MKS1: variants seen among roughly 807,000 people sequenced by gnomAD.
The protein encoded by MKS1 is tectonic-like complex member MKS1.
In MKS1, 70 loss-of-function variants were observed where a neutral mutation model predicts 83.7. That is an observed-to-expected ratio of 0.84 (90% CI 0.69 to 1.02). The LOEUF is 1.02. Ranked by LOEUF, MKS1 falls within the 50% of genes least tolerant of loss-of-function variation. The pLI is 0.00. For synonymous variants in MKS1, 251 were observed against 273.4 expected (o/e 0.92, Z 0.81); for missense variants, 681 against 726.9 (o/e 0.94, Z 0.73).
At chr17:58,218,371 C>G (rs1002942059) in intron 2 of MKS1, among the ~76,000 whole-genome samples, 1 of 144,658 alleles carries the variant, frequency 6.9e-6, no homozygotes, top group African/African-American at 2.6e-5. Context: ...TCGCGTGAAC[C>G]CGGGAGGCGG....
chr17:58,216,152 C>T lies in MKS1; in HGVS notation c.353G>A (p.Gly118Asp). ...RQEILKLENS[G>D]GKKNRRIFTY... ...AAAGATTCGTCGGTTTTTCTTGCCA[C>T]CCGAATTCTCCAGCTTCAGGATCTC... Residue 118 changes from glycine (G) to aspartate (D), a missense_variant, in exon 4 of 18, where the codon GGT (glycine) becomes GAT (aspartate). By Grantham distance (94) the Gly-to-Asp change is moderately conservative. Coordinates refer to ENST00000393119, the MANE Select transcript of MKS1 (RefSeq NM_017777.4). The T allele has an allele frequency of 6.2e-7, 1 of 1,614,154 alleles. No individual in the cohort carries two copies. Among genetic ancestry groups the T allele is most frequent in the African/African-American group, 1.3e-5 (1 of 75,028 alleles).
rs1013247061 is a variant in MKS1, at chr17:58,208,310, A to G, written c.1096-136T>C. 2.5e-5 allele frequency: 24 copies of G among 960,838 alleles called. No homozygotes were observed. The African/African-American group carries it at 3.9e-4, about 16-fold the overall frequency. The allele number at this position is 960,838 out of a possible 1,614,324, so 59.5% of individuals were successfully genotyped here. On this transcript the variant is annotated intron_variant, in intron 12 of 17. Coordinates refer to ENST00000393119, the MANE Select transcript of MKS1 (RefSeq NM_017777.4). ...TGGGAAATAGGAGTCTGAGATGCAAAAGGACACCCAAATACAAGCTGCTGC... is the reference window on the plus strand; with the variant it reads ...TGGGAAATAGGAGTCTGAGATGCAAGAGGACACCCAAATACAAGCTGCTGC...
rs548647722 is a variant in MKS1 at position 58,217,067 on chromosome 17, G to T, written c.191-331C>A. Among the ~76,000 whole-genome samples the T allele has an allele frequency of 4.8e-4, 73 of 152,270 alleles. 1 individual carries two copies. The Middle Eastern group carries it at 0.01, about 21-fold the overall frequency. On this transcript the variant is annotated intron_variant, in intron 2 of 17. Transcript: ENST00000393119. Reference sequence around the variant, plus strand: ...TGCAGTGGCACTGTTTCAGCTCACTGCAACCTCCTCTTCCTGGGTTCAAGC... The same window carrying T: ...TGCAGTGGCACTGTTTCAGCTCACTTCAACCTCCTCTTCCTGGGTTCAAGC...
At position 58,205,656 on chromosome 17, in the gene MKS1, C is replaced by T. The variant is rs1299463646; in HGVS notation, c.*423G>A. 4 of 1,308,336 alleles carry T rather than the reference C, an allele frequency of 3.1e-6. No homozygotes were observed. Among genetic ancestry groups the T allele is most frequent in the South Asian group, 1.2e-5 (1 of 81,082 alleles). 81.0% of individuals were successfully genotyped at this position (1,308,336 alleles called of 1,614,324 possible). Reference sequence around the variant, plus strand: ...GACTCACAGGCTGGGGATTTAAGACCCTCTCACCGTCCACCTTCCTTCCTT... The same window carrying T: ...GACTCACAGGCTGGGGATTTAAGACTCTCTCACCGTCCACCTTCCTTCCTT... On this transcript the variant is annotated 3_prime_UTR_variant, in exon 18 of 18. Transcript: ENST00000393119.
At position 58,205,874 on chromosome 17, in the gene MKS1, A is replaced by G. The variant is rs1597973475; in HGVS notation, c.*205T>C. 6.9e-7 allele frequency: 1 copy of G among 1,439,350 alleles called. No homozygotes were observed. The highest frequency in any genetic ancestry group is 2.5e-5 in the East Asian group (1 of 39,956). 89.2% of individuals were successfully genotyped at this position (1,439,350 alleles called of 1,614,324 possible). ...TGGCTGCAAATATAAAGGGGGGGCCACAGGGTCTCTGGCTTTATTTCCACA... is the reference window on the plus strand; with the variant it reads ...TGGCTGCAAATATAAAGGGGGGGCCGCAGGGTCTCTGGCTTTATTTCCACA... On this transcript the variant is annotated 3_prime_UTR_variant, in exon 18 of 18. Transcript: ENST00000393119.
Position 58,205,808 on chromosome 17 carries a change from T to C in MKS1, c.*271A>G. The C allele has an allele frequency of 7.0e-7, 1 of 1,436,574 alleles. No individual in the cohort carries two copies. Among genetic ancestry groups the C allele is most frequent in the Non-Finnish European group, 9.2e-7 (1 of 1,088,044 alleles). 89.0% of individuals were successfully genotyped at this position (1,436,574 alleles called of 1,614,324 possible). ...CACTATGGGGTCACCCCAAACAGCT[T>C]CAGATCAAAAAGCCTGCCTTGCTGT... On this transcript the variant is annotated 3_prime_UTR_variant, in exon 18 of 18. Coordinates refer to ENST00000393119, the MANE Select transcript of MKS1 (RefSeq NM_017777.4).
chr17:58,218,885 G>A lies in MKS1; in HGVS notation c.81-156C>T, dbSNP rs1284868578. 5.9e-6 allele frequency: 5 copies of A among 844,096 alleles called. No individual in the cohort carries two copies. The Admixed American group carries it at 1.0e-4, about 17-fold the overall frequency. 52.3% of individuals were successfully genotyped at this position (844,096 alleles called of 1,614,324 possible). A position where few individuals can be genotyped will look rare whatever the true frequency, so the allele number is the denominator to read the frequency against. On this transcript the variant is annotated intron_variant, in intron 1 of 17. Transcript: ENST00000393119. ...GGTGGGTGGGTGCGCCGTCCTATGGGGAAGAATGAAGGGGAGAGGGTGTAC... is the reference window on the plus strand; with the variant it reads ...GGTGGGTGGGTGCGCCGTCCTATGGAGAAGAATGAAGGGGAGAGGGTGTAC...
At chr17:58,216,395 C>T (rs1598000158) in intron 3 of MKS1, 152 bp from the exon 4 acceptor site, 1 of 955,614 alleles carries the variant, frequency 1.0e-6, no homozygotes, top group East Asian at 2.6e-5. Context: ...GGCAGGGGAA[C>T]CAAGAACATT....
chr17:58,210,857 G>A (rs374314035), intron 10 of MKS1, 123 bp downstream of exon 10: 1 of 1,450,408 alleles, frequency 6.9e-7, no homozygotes, highest in African/African-American at 1.4e-5. Context: ...TTCCAGGAAA[G>A]ACTCACCACT....
intron 2 of MKS1, 24 bp downstream of exon 2, chr17:58,218,596 G>A (rs755488840): frequency 1.3e-6 from 2 of 1,506,890 alleles, no homozygotes; most frequent in Non-Finnish European, 1.8e-6. Flanking sequence ...GTATTAGATG[G>A]CACATCACCA....
chr17:58,208,629 C>A, intron 11 of MKS1, 46 bp from the exon 12 acceptor site: 1 of 1,524,582 alleles, frequency 6.6e-7, no homozygotes, highest in Non-Finnish European at 9.1e-7. Context: ...GGGAGGAAAG[C>A]AAGTCATTCA....
chr17:58,217,624 C>A (rs1969295087), intron 2 of MKS1, among the ~76,000 whole-genome samples: 1 of 152,046 alleles, frequency 6.6e-6, no homozygotes, highest in African/African-American at 2.4e-5. Context: ...GCCTGGACAA[C>A]ATAGCAAGAC....
chr17:58,218,174 C>A (rs998798545), intron 2 of MKS1, among the ~76,000 whole-genome samples: 1 of 152,070 alleles, frequency 6.6e-6, no homozygotes, highest in Non-Finnish European at 1.5e-5. Context: ...ATAGGACGGG[C>A]GCGGTGGCTC....
chr17:58,214,489 G>A (rs1022442709), intron 5 of MKS1, 102 bp from the exon 6 acceptor site: 5 of 1,547,680 alleles, frequency 3.2e-6, no homozygotes, highest in Non-Finnish European at 3.5e-6. Flanking sequence ...TGGACATACT[G>A]TTTTGTTTTG....
intron 2 of MKS1, 173 bp downstream of exon 2, chr17:58,218,447 C>CAAAA (rs67834721): frequency 4.7e-4 from 114 of 242,456 alleles, no homozygotes; most frequent in Middle Eastern, 1.5e-3. Flanking sequence ...GACTCCGTCT[C>CAAAA]AAAAAAAAAA....
Position 58,207,930 on chromosome 17 carries a change from C to A in MKS1, c.1237G>T (p.Glu413Ter). The change falls in exon 14 of 18, where the codon GAA (glutamate) becomes TAA (stop). Residue 413 changes from glutamate (E) to a stop codon, truncating the protein, a stop_gained. Transcript: ENST00000393119. LOFTEE classifies it high-confidence loss of function. Reference protein sequence around the residue: ...SLDFWQRYRVEGYGAVVLPAT... With the variant: ...SLDFWQRYRV ...GGCAGCACCACAGCCCCATAGCCTT[C>A]CACACGGTACCTCTGCCAGAAGTCC... 6.2e-7 allele frequency: 1 copy of A among 1,614,126 alleles called. No individual in the cohort carries two copies. The highest frequency in any genetic ancestry group is 8.5e-7 in the Non-Finnish European group (1 of 1,180,010).
Position 58,207,963 on chromosome 17 carries a change from G to C in MKS1, c.1204C>G (p.Leu402Val). Residue 402 changes from leucine (L) to valine (V), a missense_variant, in exon 14 of 18, where the codon CTC (leucine) becomes GTC (valine). Transcript: ENST00000393119. ...TACCTCTGCCAGAAGTCCAGCGAGAGGACCTCACAGTAGAGCACAGGCCAC... is the reference window on the plus strand; with the variant it reads ...TACCTCTGCCAGAAGTCCAGCGAGACGACCTCACAGTAGAGCACAGGCCAC... ...PEWPVLYCEV[L>V]SLDFWQRYRV... 2 of 1,614,122 alleles carry C rather than the reference G, an allele frequency of 1.2e-6. No individual in the cohort carries two copies. Among genetic ancestry groups the C allele is most frequent in the East Asian group, 2.2e-5 (1 of 44,882 alleles).
intron 10 of MKS1, 69 bp downstream of exon 10, chr17:58,210,911 G>C: frequency 6.4e-7 from 1 of 1,550,574 alleles, no homozygotes; most frequent in Non-Finnish European, 8.9e-7. Context: ...CAGAGTGGAG[G>C]AGACTATTCA....
At chr17:58,218,522 A>G in intron 2 of MKS1, 98 bp downstream of exon 2, 2 of 841,334 alleles carry the variant, frequency 2.4e-6, no homozygotes, top group Non-Finnish European at 3.9e-6. Context: ...TCTATAACAT[A>G]TCAGAAGTAT....
Sources: allele counts gnomAD v4.1 joint callset (sites outside exome capture counted in the v4.1 genomes callset), GRCh38; gene constraint gnomAD v4.1.1; transcripts MANE v1.5; gene names NCBI Gene and HGNC (gene_info 2026-07-23, HGNC 2026-07-21).